Variants in NDUFA13 observed in about 807,000 individuals in gnomAD.
NDUFA13 encodes the protein NADH:ubiquinone oxidoreductase subunit A13, also known as NADH dehydrogenase [ubiquinone] 1 alpha subcomplex subunit 13.
Under a neutral mutation model 17.0 loss-of-function variants are expected in NDUFA13, and 16 were observed. The ratio of observed to expected loss-of-function variants is 0.94; its 90% CI spans 0.64 to 1.43. The LOEUF is 1.43. Ranked by LOEUF, NDUFA13 falls within the 40% of genes most tolerant of loss-of-function variation. The pLI, the probability that NDUFA13 is intolerant of heterozygous loss-of-function variation, is 0.00. For missense variants in NDUFA13, 228 were observed against 206.7 expected (o/e 1.10, Z -0.63); for synonymous variants, 87 against 78.4 (o/e 1.11, Z -0.58).
At chr19:19,519,072 G>A (rs2061064428) in intron 1 of NDUFA13, among the ~76,000 whole-genome samples, 1 of 80,350 alleles carries the variant, frequency 1.2e-5, no homozygotes, top group South Asian at 4.5e-4. Context: ...TGTATTTTTA[G>A]TAGTGACAGG....
At position 19,516,446 on chromosome 19, in the gene NDUFA13, C is replaced by A. The variant is rs1004426221; in HGVS notation, c.94+114C>A. 1.5e-5 allele frequency: 17 copies of A among 1,114,522 alleles called. No individual in the cohort carries two copies. In the East Asian group the frequency reaches 3.8e-4, roughly 25 times the overall value. The allele number at this position is 1,114,522 out of a possible 1,614,324, so 69.0% of individuals were successfully genotyped here. On this transcript the variant is annotated intron_variant, in intron 1 of 4. Coordinates refer to ENST00000507754, the MANE Select transcript of NDUFA13 (RefSeq NM_015965.7). ...CCCGGCGGTGTGACCGGAGGCGGAG[C>A]CCGGGGATCCATCATAGCTTCTGTA... is the stretch of plus-strand genomic sequence containing the variant.
chr19:19,517,431 C>G (rs7256028), intron 1 of NDUFA13, among the ~76,000 whole-genome samples: 1 of 151,838 alleles, frequency 6.6e-6, no homozygotes, highest in East Asian at 1.9e-4. Flanking sequence ...AGGCTGGTCT[C>G]GAAGTCCTGG....
intron 3 of NDUFA13, 57 bp downstream of exon 3, chr19:19,527,409 G>GGTCA: frequency 6.3e-7 from 1 of 1,593,440 alleles, no homozygotes; most frequent in Non-Finnish European, 8.6e-7. Context: ...CCAGGCTGCA[G>GGTCA]GGCCTGACCT....
Position 19,528,105 on chromosome 19 carries a change from C to T in NDUFA13, c.414C>T (p.His138=), listed in dbSNP as rs755798891. ...RTTEEALHAS[H]GFMWYT ...CAGAGGAGGCTCTCCATGCCAGCCA[C>T]GGCTTCATGTGGTACACGTAGGCCC... Residue 138 remains histidine (H), a synonymous_variant, in exon 5 of 5, where the codon CAC becomes CAT. Transcript: ENST00000507754. 3.4e-5 allele frequency: 55 copies of T among 1,611,720 alleles called. No individual in the cohort carries two copies. The highest frequency in any genetic ancestry group is 5.3e-5 in the African/African-American group (4 of 74,880).
At position 19,527,656 on chromosome 19, in the gene NDUFA13, C is replaced by G. The variant is rs1184074661; in HGVS notation, c.246-45C>G. The G allele has an allele frequency of 4.0e-6, 6 of 1,493,678 alleles. No homozygotes were observed. In the South Asian group the frequency reaches 7.2e-5, roughly 18 times the overall value. The allele number at this position is 1,493,678 out of a possible 1,614,324, so 92.5% of individuals were successfully genotyped here. A position where few individuals can be genotyped will look rare whatever the true frequency, so the allele number is the denominator to read the frequency against. ...CTAGGGGCCCTAGGCAGGGGCCCCT[C>G]AGGGCACTGAGGCCCCACCCCCACC... On this transcript the variant is annotated intron_variant, in intron 3 of 4. Transcript: ENST00000507754.
chr19:19,526,116 G>T, intron 1 of NDUFA13, 66 bp from the exon 2 acceptor site: 1 of 1,590,728 alleles, frequency 6.3e-7, no homozygotes. Context: ...AGTGGGCAGC[G>T]CCTGGAGCTG....
At chr19:19,518,627 G>T (rs1257113679) in intron 1 of NDUFA13, among the ~76,000 whole-genome samples, 1 of 149,660 alleles carries the variant, frequency 6.7e-6, no homozygotes, top group Admixed American at 6.7e-5. Flanking sequence ...GCAGTGGCGT[G>T]ATCTCGGCTC....
intron 1 of NDUFA13, 73 bp from the exon 2 acceptor site, chr19:19,526,109 G>T (rs1368592227): frequency 1.1e-5 from 17 of 1,583,366 alleles, no homozygotes; most frequent in African/African-American, 1.4e-5. Flanking sequence ...ATTGCAGAGT[G>T]GGCAGCGCCT....
intron 1 of NDUFA13, among the ~76,000 whole-genome samples, chr19:19,522,477 CTTTTT>C (rs3067694): frequency 3.2e-5 from 3 of 95,012 alleles, no homozygotes; most frequent in African/African-American, 9.6e-5. Context: ...GTCTTTGATC[CTTTTT>C]TTTTTTTTTT....
chr19:19,519,971 C>CT (rs397963977), intron 1 of NDUFA13, among the ~76,000 whole-genome samples: 21,743 of 120,190 alleles, frequency 0.18, 2,332 homozygotes, highest in Middle Eastern at 0.27. Flanking sequence ...TTTTTGTTCT[C>CT]TTTTTTTTTT....
At chr19:19,526,984 C>T (rs73002997) in intron 2 of NDUFA13, among the ~76,000 whole-genome samples, 1,719 of 152,322 alleles carry the variant, frequency 0.011, 18 homozygotes, top group South Asian at 0.046. Flanking sequence ...TCGTCGCGAT[C>T]ATCAGGCAGA....
chr19:19,519,784 TCCTCTCCTG>T (rs967151596), intron 1 of NDUFA13, among the ~76,000 whole-genome samples: 1 of 152,026 alleles, frequency 6.6e-6, no homozygotes, highest in African/African-American at 2.4e-5. Flanking sequence ...CCCTCTGTCC[TCCTCTCCTG>T]CCTCTCCTGA....
chr19:19,527,221 T>C (rs2061104955), intron 2 of NDUFA13, 60 bp from the exon 3 acceptor site: 6 of 1,568,238 alleles, frequency 3.8e-6, no homozygotes, highest in East Asian at 2.3e-5. Flanking sequence ...AGGTCTGTGC[T>C]GCCTGTGCTC....
intron 1 of NDUFA13, among the ~76,000 whole-genome samples, chr19:19,517,588 CACACAAAA>C (rs1015418791): frequency 1.3e-5 from 2 of 152,178 alleles, no homozygotes; most frequent in Non-Finnish European, 2.9e-5. Flanking sequence ...TTTTAACACA[CACACAAAA>C]ATGAGCATGG....
Position 19,527,633 on chromosome 19 carries a change from A to AGG in NDUFA13, c.246-65_246-64dup. The AGG allele has an allele frequency of 6.3e-6, 8 of 1,273,854 alleles. No homozygotes were observed. The South Asian group carries it at 1.0e-4, about 16-fold the overall frequency. 78.9% of individuals were successfully genotyped at this position (1,273,854 alleles called of 1,614,324 possible). A position where few individuals can be genotyped will look rare whatever the true frequency, so the allele number is the denominator to read the frequency against. ...GAGGGAGGCTTGAAGGGGTGCTACT[A>AGG]GGGGCCCTAGGCAGGGGCCCCTCAG... is the stretch of plus-strand genomic sequence containing the variant. On this transcript the variant is annotated intron_variant, in intron 3 of 4. Coordinates refer to ENST00000507754, the MANE Select transcript of NDUFA13 (RefSeq NM_015965.7).
At chr19:19,523,799 G>A (rs1015893998) in intron 1 of NDUFA13, among the ~76,000 whole-genome samples, 4 of 152,144 alleles carry the variant, frequency 2.6e-5, no homozygotes, top group South Asian at 4.1e-4. Flanking sequence ...GCACAGTGGC[G>A]TGCACCTGTA....
rs139543269 is a variant in NDUFA13 at position 19,516,259 on chromosome 19, G to A, written c.21G>A (p.Lys7=). The A allele has an allele frequency of 8.1e-6, 13 of 1,613,912 alleles. No homozygotes were observed. The highest frequency in any genetic ancestry group is 4.4e-5 in the South Asian group (4 of 91,092). The stretch of plus-strand genomic sequence containing the variant: ...CGAGTATGGCGGCGTCAAAGGTGAA[G>A]CAGGACATGCCTCCGCCGGGGGGCT... MAASKV[K]QDMPPPGGYG... Residue 7 remains lysine (K), a synonymous_variant, in exon 1 of 5, where the codon AAG becomes AAA. Transcript: ENST00000507754.
intron 1 of NDUFA13, among the ~76,000 whole-genome samples, chr19:19,521,819 G>A (rs976680635): frequency 2.7e-5 from 4 of 150,270 alleles, no homozygotes; most frequent in East Asian, 2.0e-4. Flanking sequence ...AGCCAGGATC[G>A]TCTCGATCTC....
At chr19:19,525,407 A>G (rs2061095565) in intron 1 of NDUFA13, among the ~76,000 whole-genome samples, 1 of 152,250 alleles carries the variant, frequency 6.6e-6, no homozygotes, top group Non-Finnish European at 1.5e-5. Context: ...GAGCAGGGCC[A>G]GTGCCCTGGA....
Sources: allele counts gnomAD v4.1 joint callset (sites outside exome capture counted in the v4.1 genomes callset), GRCh38; gene constraint gnomAD v4.1.1; transcripts MANE v1.5; gene names NCBI Gene and HGNC (gene_info 2026-07-23, HGNC 2026-07-21).